RBFOX1: variants seen among roughly 807,000 people sequenced by gnomAD.
RBFOX1 encodes RNA binding protein fox-1 homolog 1.
In RBFOX1, 8 loss-of-function variants were observed where a neutral mutation model predicts 57.7. That is an observed-to-expected ratio of 0.14 (90% confidence interval 0.08 to 0.25). The LOEUF is 0.25. RBFOX1 is among the 10% of genes least tolerant of loss of function. RBFOX1 has a pLI of 1.00. For synonymous variants in RBFOX1, 326 were observed against 222.4 expected (o/e 1.47, Z -4.15); for missense variants, 611 against 548.5 (o/e 1.11, Z -1.14).
chr16:6,438,835 C>A (rs1365822816), intron 2 of RBFOX1, among the ~76,000 whole-genome samples: 1 of 152,106 alleles, frequency 6.6e-6, no homozygotes, highest in Non-Finnish European at 1.5e-5. Flanking sequence ...TGTGTGCTCA[C>A]CACTGTACCT....
rs892080414 is a variant in RBFOX1, at chr16:5,622,155, G to A, written c.318+23194G>A. ...CGTTCTCAGCAACCAATTCCACTTG[G>A]CATCGATGATCCACAATCTACAGTG... On this transcript the variant is annotated intron_variant, in intron 3 of 19. Coordinates refer to the RBFOX1 transcript ENST00000641259. Among the ~76,000 whole-genome samples the A allele has an allele frequency of 2.6e-5, 4 of 152,124 alleles. No homozygotes were observed. The South Asian group carries it at 8.3e-4, about 31-fold the overall frequency.
chr16:7,685,899 T>C (rs2075960653), intron 14 of RBFOX1, among the ~76,000 whole-genome samples: 1 of 152,062 alleles, frequency 6.6e-6, no homozygotes, highest in African/African-American at 2.4e-5. Context: ...TTGCTGTTGA[T>C]ACAGAGAATA....
intron 3 of RBFOX1, among the ~76,000 whole-genome samples, chr16:6,947,958 A>G (rs1349358622): frequency 6.6e-6 from 1 of 151,772 alleles, no homozygotes; most frequent in Non-Finnish European, 1.5e-5. Flanking sequence ...TGTATTTTTT[A>G]AATAGAGACA....
intron 3 of RBFOX1, among the ~76,000 whole-genome samples, chr16:5,713,852 A>C (rs9938492): frequency 0.58 from 88,029 of 152,036 alleles, 27,754 homozygotes; most frequent in Non-Finnish European, 0.72. Flanking sequence ...CAAAGACTCG[A>C]TCTGCAGTGA....
rs188710790 is a variant in RBFOX1, at chr16:7,428,192, A to G, written c.28-89955A>G. On this transcript the variant is annotated intron_variant, in intron 4 of 15. Coordinates refer to ENST00000550418, the MANE Select transcript of RBFOX1 (RefSeq NM_018723.4). Reference sequence around the variant, plus strand: ...AGTGCTTACGTATCTTTTCCCCTGAAGTCAGGAATCCCTTTTATTCATTTA... The same window carrying G: ...AGTGCTTACGTATCTTTTCCCCTGAGGTCAGGAATCCCTTTTATTCATTTA... Among the ~76,000 whole-genome samples the G allele has an allele frequency of 1.7e-4, 26 of 152,224 alleles. No individual in the cohort carries two copies. In the East Asian group the frequency reaches 4.6e-3, roughly 27 times the overall value.
At chr16:7,648,081 G>T (rs1002403749) in intron 11 of RBFOX1, among the ~76,000 whole-genome samples, 1 of 152,166 alleles carries the variant, frequency 6.6e-6, no homozygotes, top group Non-Finnish European at 1.5e-5. Flanking sequence ...TCCACACTGT[G>T]CTGGGTTTTT....
chr16:5,462,079 G>A (rs571447902), intron 1 of RBFOX1, among the ~76,000 whole-genome samples: 31 of 151,780 alleles, frequency 2.0e-4, no homozygotes, highest in African/African-American at 5.1e-4. Flanking sequence ...AAGATTACCC[G>A]TCTCTTTTCA....
intron 2 of RBFOX1, among the ~76,000 whole-genome samples, chr16:6,502,031 G>A: frequency 6.6e-6 from 1 of 152,184 alleles, no homozygotes; most frequent in East Asian, 1.9e-4. Flanking sequence ...GCTTAGGGGG[G>A]TCATGAGGGT....
At chr16:6,102,415 C>G (rs1412768965) in intron 1 of RBFOX1, among the ~76,000 whole-genome samples, 2 of 152,186 alleles carry the variant, frequency 1.3e-5, no homozygotes, top group African/African-American at 4.8e-5. Flanking sequence ...GTGCTTCAGT[C>G]TCTAAGTCTT....
chr16:6,079,479 T>G (rs2095965296), intron 1 of RBFOX1, among the ~76,000 whole-genome samples: 1 of 152,170 alleles, frequency 6.6e-6, no homozygotes, highest in South Asian at 2.1e-4. Flanking sequence ...GCCTGGCTAT[T>G]TATTTTTATT....
chr16:5,910,732 C>G (rs1369998661), intron 4 of RBFOX1, among the ~76,000 whole-genome samples: 1 of 152,196 alleles, frequency 6.6e-6, no homozygotes, highest in Non-Finnish European at 1.5e-5. Flanking sequence ...AACCGAACTT[C>G]AAGCTGTCAG....
At chr16:6,232,658 C>T (rs569728393) in intron 1 of RBFOX1, among the ~76,000 whole-genome samples, 120 of 152,290 alleles carry the variant, frequency 7.9e-4, no homozygotes, top group African/African-American at 2.8e-3. Flanking sequence ...GGAGGAAGAT[C>T]GGAGTCCTTA....
intron 4 of RBFOX1, among the ~76,000 whole-genome samples, chr16:7,479,573 C>G (rs1431734445): frequency 6.6e-6 from 1 of 152,126 alleles, no homozygotes; most frequent in Non-Finnish European, 1.5e-5. Flanking sequence ...CTGGTTGGGC[C>G]TGGGGTGTGA....
chr16:7,676,173 T>G (rs1399769307), intron 13 of RBFOX1, among the ~76,000 whole-genome samples: 1 of 152,214 alleles, frequency 6.6e-6, no homozygotes, highest in African/African-American at 2.4e-5. Context: ...CCATGTGATA[T>G]CTTTGGCCAA....
chr16:5,696,671 A>G (rs974918138), intron 3 of RBFOX1, among the ~76,000 whole-genome samples: 1 of 152,160 alleles, frequency 6.6e-6, no homozygotes, highest in African/African-American at 2.4e-5. Context: ...AATTATTATA[A>G]TTTTGATATG....
intron 1 of RBFOX1, among the ~76,000 whole-genome samples, chr16:6,253,675 ATGTGTGTGTGTG>A (rs377653141): frequency 1.4e-5 from 2 of 144,908 alleles, no homozygotes; most frequent in Non-Finnish European, 3.0e-5. Context: ...GTGTGTGTGC[ATGTGTGTGTGTG>A]TGTGTGTGTG....
At chr16:5,948,336 C>T (rs756414239) in intron 4 of RBFOX1, among the ~76,000 whole-genome samples, 2 of 152,174 alleles carry the variant, frequency 1.3e-5, no homozygotes, top group East Asian at 1.9e-4. Context: ...TGGCCTTTGG[C>T]TCCTGGCCAT....
chr16:7,083,772 G>A (rs1325318839), intron 4 of RBFOX1, among the ~76,000 whole-genome samples: 1 of 152,084 alleles, frequency 6.6e-6, no homozygotes, highest in African/African-American at 2.4e-5. Flanking sequence ...AAGGCACCGT[G>A]CATGGGTCAG....
intron 1 of RBFOX1, among the ~76,000 whole-genome samples, chr16:6,046,253 G>A (rs1016596048): frequency 3.3e-5 from 5 of 152,204 alleles, no homozygotes; most frequent in African/African-American, 9.7e-5. Flanking sequence ...AAAAGTGGCA[G>A]TAGGAATGGA....
Sources: gnomAD v4.1 joint callset for allele counts (sites outside exome capture counted in the v4.1 genomes callset) on GRCh38, gnomAD v4.1.1 for gene constraint, MANE v1.5 for transcripts, NCBI Gene and HGNC (gene_info 2026-07-23, HGNC 2026-07-21) for gene names.